The following COL14A1 variants were observed in gnomAD, a reference collection of about 807,000 sequenced individuals.
The protein encoded by COL14A1 is collagen type XIV alpha 1 chain.
Under a neutral mutation model 230.3 loss-of-function variants are expected in COL14A1, and 136 were observed. That is an observed-to-expected ratio of 0.59 (90% CI 0.51 to 0.68). The LOEUF (loss-of-function observed/expected upper bound fraction) is 0.68. Ranked by LOEUF, COL14A1 falls within the 30% of genes least tolerant of loss-of-function variation. The pLI is 0.00. For synonymous variants in COL14A1, 792 were observed against 784.1 expected (o/e 1.01, Z -0.17); for missense variants, 1,976 against 2,215.8 (o/e 0.89, Z 2.17).
intron 42 of COL14A1, among the ~76,000 whole-genome samples, chr8:120,337,869 A>G (rs1280064981): frequency 1.3e-5 from 2 of 152,216 alleles, no homozygotes; most frequent in Non-Finnish European, 2.9e-5. Context: ...ATAAAAAATA[A>G]TTTCTTGCCA....
intron 12 of COL14A1, among the ~76,000 whole-genome samples, chr8:120,211,583 T>A (rs1002666454): frequency 6.6e-6 from 1 of 152,198 alleles, no homozygotes; most frequent in Non-Finnish European, 1.5e-5. Context: ...ATTAGTTTTT[T>A]AAAAAATAAA....
At chr8:120,337,469 T>C (rs1822124465) in intron 42 of COL14A1, among the ~76,000 whole-genome samples, 2 of 151,190 alleles carry the variant, frequency 1.3e-5, no homozygotes, top group African/African-American at 2.4e-5. Flanking sequence ...CTAGTTAGGC[T>C]GATGTTCAGA....
In COL14A1 at chr8:120,373,124, A is replaced by G. The variant is rs926777194; in HGVS notation, c.*1893A>G. ...TTTAATAGTGAGTATAGAGTAGGAT[A>G]TTCTATACATTTTAGTATTTGGCCC... On this transcript the variant is annotated 3_prime_UTR_variant, in exon 48 of 48. Transcript: ENST00000297848. Among the ~76,000 whole-genome samples, 3 of 152,168 alleles carry G rather than the reference A, an allele frequency of 2.0e-5. No homozygotes were observed. Among genetic ancestry groups the G allele is most frequent in the Non-Finnish European group, 4.4e-5 (3 of 68,016 alleles).
chr8:120,154,794 A>C (rs1815409829), intron 2 of COL14A1, among the ~76,000 whole-genome samples: 1 of 152,216 alleles, frequency 6.6e-6, no homozygotes, highest in African/African-American at 2.4e-5. Context: ...TATGTTAAAA[A>C]AAAGTACTTC....
chr8:120,353,705 C>T (rs1822860605), intron 45 of COL14A1, among the ~76,000 whole-genome samples: 2 of 149,986 alleles, frequency 1.3e-5, no homozygotes, highest in Non-Finnish European at 3.0e-5. Context: ...CATCTCACAC[C>T]AGTTAGAATG....
At chr8:120,166,922 G>GTGTGTGTGTGTGTGTGTGTGTGT (rs1217998586) in intron 4 of COL14A1, among the ~76,000 whole-genome samples, 1 of 134,412 alleles carries the variant, frequency 7.4e-6, no homozygotes, top group African/African-American at 2.9e-5. Flanking sequence ...GTGTGTGTGT[G>GTGTGTGTGTGTGTGTGTGTGTGT]GTGGTGATGA....
At chr8:120,278,389 A>C in intron 27 of COL14A1, 46 bp from the exon 28 acceptor site, 1 of 1,581,768 alleles carries the variant, frequency 6.3e-7, no homozygotes, top group Non-Finnish European at 8.6e-7. Flanking sequence ...CAGAAAAACA[A>C]AAATGGGAGG....
chr8:120,161,975 C>T (rs1257264335), intron 3 of COL14A1, among the ~76,000 whole-genome samples: 1 of 152,164 alleles, frequency 6.6e-6, no homozygotes, highest in African/African-American at 2.4e-5. Context: ...TCCCCCTTCA[C>T]TTTTAAGTGG....
At chr8:120,150,922 G>A (rs1365556320) in intron 2 of COL14A1, among the ~76,000 whole-genome samples, 2 of 151,694 alleles carry the variant, frequency 1.3e-5, no homozygotes, top group Admixed American at 1.3e-4. Context: ...AAAGAGGTGA[G>A]GATGAAGTCT....
At chr8:120,240,622 G>T (rs1188313067) in intron 19 of COL14A1, among the ~76,000 whole-genome samples, 2 of 152,114 alleles carry the variant, frequency 1.3e-5, no homozygotes, top group Non-Finnish European at 2.9e-5. Flanking sequence ...AACTCTCAAG[G>T]CTGATTAAAT....
chr8:120,325,102 T>G (rs1161575308), intron 40 of COL14A1, among the ~76,000 whole-genome samples: 1 of 152,238 alleles, frequency 6.6e-6, no homozygotes, highest in Non-Finnish European at 1.5e-5. Flanking sequence ...TAGTATTTAT[T>G]CAAATATTAG....
intron 40 of COL14A1, among the ~76,000 whole-genome samples, chr8:120,331,484 A>G (rs1198782536): frequency 6.6e-6 from 1 of 152,224 alleles, no homozygotes; most frequent in East Asian, 1.9e-4. Flanking sequence ...AACACTTAAC[A>G]TAAAAATAAC....
At chr8:120,369,230 A>G in intron 46 of COL14A1, 100 bp from the exon 47 acceptor site, 2 of 1,271,624 alleles carry the variant, frequency 1.6e-6, no homozygotes, top group Non-Finnish European at 2.1e-6. Context: ...AATTGTCCTA[A>G]AAGTTGCTTC....
intron 40 of COL14A1, among the ~76,000 whole-genome samples, chr8:120,326,178 A>C (rs2130177979): frequency 6.6e-6 from 1 of 152,310 alleles, no homozygotes; most frequent in East Asian, 1.9e-4. Context: ...TGGTGTGTGA[A>C]TAGGGAGACT....
chr8:120,305,398 A>G (rs1820828693), intron 36 of COL14A1, among the ~76,000 whole-genome samples: 1 of 152,244 alleles, frequency 6.6e-6, no homozygotes, highest in Non-Finnish European at 1.5e-5. Context: ...ATAATTTAAA[A>G]TAAAGAAAAA....
chr8:120,182,605 T>C (rs1816496041), intron 5 of COL14A1, among the ~76,000 whole-genome samples: 1 of 152,050 alleles, frequency 6.6e-6, no homozygotes, highest in African/African-American at 2.4e-5. Flanking sequence ...CATTTTAAAA[T>C]AGAGGTGATC....
chr8:120,306,610 T>G (rs1410334970), intron 36 of COL14A1, among the ~76,000 whole-genome samples: 2 of 152,286 alleles, frequency 1.3e-5, no homozygotes, highest in Non-Finnish European at 1.5e-5. Context: ...AGAATCATAT[T>G]CTCTTTGTGA....
intron 5 of COL14A1, among the ~76,000 whole-genome samples, chr8:120,189,134 T>C (rs577476667): frequency 3.5e-4 from 54 of 152,344 alleles, no homozygotes; most frequent in African/African-American, 1.3e-3. Context: ...ATATGATTAT[T>C]GAACTTGAAC....
intron 5 of COL14A1, among the ~76,000 whole-genome samples, chr8:120,190,492 A>C (rs1167053110): frequency 6.6e-6 from 1 of 152,086 alleles, no homozygotes; most frequent in African/African-American, 2.4e-5. Flanking sequence ...TAGTTTAATT[A>C]GATCCCATTT....
Sources: gnomAD v4.1 joint callset for allele counts (sites outside exome capture counted in the v4.1 genomes callset) on GRCh38, gnomAD v4.1.1 for gene constraint, MANE v1.5 for transcripts, NCBI Gene and HGNC (gene_info 2026-07-23, HGNC 2026-07-21) for gene names.